Variants in TRAF3 observed in about 807,000 individuals in gnomAD.
TRAF3 encodes the protein TNF receptor-associated factor 3.
TRAF3 carries 13 observed loss-of-function variants against 62.3 expected under a neutral mutation model. The ratio of observed to expected loss-of-function variants is 0.21; its 90% CI spans 0.14 to 0.33. TRAF3 has a LOEUF of 0.33. Among genes scored for constraint, TRAF3 ranks in the 10% least tolerant of loss-of-function variants. The pLI is 1.00. For missense variants in TRAF3, 440 were observed against 741.8 expected, an observed-to-expected ratio of 0.59 and a Z score of 4.73; for synonymous variants, 269 against 283.4, an observed-to-expected ratio of 0.95 and a Z score of 0.51.
In TRAF3 at chr14:102,903,915, A is replaced by T; in HGVS notation, c.1135+486A>T. ...GAGTATTGGGAATATTTACATGAGGAGGATTAATGGCAGAAAGGAACACAG... is the reference window on the plus strand; with the variant it reads ...GAGTATTGGGAATATTTACATGAGGTGGATTAATGGCAGAAAGGAACACAG... On this transcript the variant is annotated intron_variant, in intron 11 of 11. Transcript: ENST00000392745. The surrounding 1 kb of genome is among the most constrained non-coding windows in gnomAD (Gnocchi z 6.4). 1 of 404,464 alleles carries T rather than the reference A, an allele frequency of 2.5e-6. No individual in the cohort carries two copies. The highest frequency in any genetic ancestry group is 5.0e-6 in the Non-Finnish European group (1 of 199,640). 25.1% of individuals were successfully genotyped at this position (404,464 alleles called of 1,614,324 possible). A position where few individuals can be genotyped will look rare whatever the true frequency, so the allele number is the denominator to read the frequency against.
In TRAF3 at chr14:102,911,128, A is replaced by C. The variant is rs2140034313; in HGVS notation, c.*5344A>C. On this transcript the variant is annotated 3_prime_UTR_variant, in exon 12 of 12. Transcript: ENST00000392745. ...GTCTTTTTAATCTGCCTGTTTTAAA[A>C]GTTGCGTCTGTAGTAGCCGCTTGCT... 6.6e-6 allele frequency: 1 copy of C among 152,346 alleles called. No individual in the cohort carries two copies. Among genetic ancestry groups the C allele is most frequent in the Admixed American group, 6.5e-5 (1 of 15,304 alleles). 9.4% of individuals were successfully genotyped at this position (152,346 alleles called of 1,614,324 possible).
chr14:102,904,699 A>G (rs1890489847), intron 11 of TRAF3, among the ~76,000 whole-genome samples: 2 of 149,470 alleles, frequency 1.3e-5, no homozygotes, highest in Non-Finnish European at 3.0e-5. Flanking sequence ...AGTCCCAGCT[A>G]CTCGGGAGGC....
Position 102,907,211 on chromosome 14 carries a change from G to C in TRAF3, c.*1427G>C, listed in dbSNP as rs1890626626. The C allele has an allele frequency of 6.6e-6, 1 of 152,246 alleles. No individual in the cohort carries two copies. The highest frequency in any genetic ancestry group is 2.4e-5 in the African/African-American group (1 of 41,468). 9.4% of individuals were successfully genotyped at this position (152,246 alleles called of 1,614,324 possible). A position where few individuals can be genotyped will look rare whatever the true frequency, so the allele number is the denominator to read the frequency against. Reference sequence around the variant, plus strand: ...GCCGAGCCTCTCCGTGTCCCCACCGGGGCCGTGGGCACCCCCACAGCCCGA... The same window carrying C: ...GCCGAGCCTCTCCGTGTCCCCACCGCGGCCGTGGGCACCCCCACAGCCCGA... On this transcript the variant is annotated 3_prime_UTR_variant, in exon 12 of 12. Coordinates refer to ENST00000392745, the MANE Select transcript of TRAF3 (RefSeq NM_145725.3).
intron 2 of TRAF3, among the ~76,000 whole-genome samples, chr14:102,861,054 G>A (rs942712435): frequency 1.3e-5 from 2 of 152,228 alleles, no homozygotes; most frequent in Non-Finnish European, 2.9e-5. Flanking sequence ...AGCAGGCTGG[G>A]GAATGCAAGA....
chr14:102,839,210 C>CCTTTTTTTTTTTTTTTTTT (rs1310697452), intron 2 of TRAF3, among the ~76,000 whole-genome samples: 1 of 89,836 alleles, frequency 1.1e-5, no homozygotes, highest in African/African-American at 4.4e-5. Context: ...GTTGATTTGC[C>CCTTTTTTTTTTTTTTTTTT]TTTTTTTTTT....
rs998870767 is a variant in TRAF3, at chr14:102,797,566, C to T, written c.-157+19891C>T. 2.0e-5 allele frequency among the ~76,000 whole-genome samples: 3 copies of T among 152,024 alleles called. No homozygotes were observed. In the South Asian group the frequency reaches 6.2e-4, roughly 32 times the overall value. ...GGAGTTAGAGACCAGTGGTCTAGTC[C>T]CCATCTGTCTTTGTGACCTTAGGCA... On this transcript the variant is annotated intron_variant, in intron 1 of 11. Coordinates refer to ENST00000392745, the MANE Select transcript of TRAF3 (RefSeq NM_145725.3).
At chr14:102,855,574 TC>T (rs1887314111) in intron 2 of TRAF3, among the ~76,000 whole-genome samples, 1 of 152,242 alleles carries the variant, frequency 6.6e-6, no homozygotes, top group African/African-American at 2.4e-5. Flanking sequence ...GGCAGGCAGA[TC>T]ACCTGAGCTC....
chr14:102,841,266 G>C (rs937741418), intron 2 of TRAF3, among the ~76,000 whole-genome samples: 3 of 152,224 alleles, frequency 2.0e-5, no homozygotes, highest in African/African-American at 7.2e-5. Context: ...GAGCTCTAGA[G>C]ATCTGCAGAA....
Position 102,906,801 on chromosome 14 carries a change from G to C in TRAF3, c.*1017G>C, listed in dbSNP as rs1311158364. On this transcript the variant is annotated 3_prime_UTR_variant, in exon 12 of 12. Transcript: ENST00000392745. The stretch of plus-strand genomic sequence containing the variant: ...AGGGGTGGGCGGGTGACTGCTGAGG[G>C]AGGCCCGCAGGTGTGTTTCTCCATC... The C allele has an allele frequency of 1.3e-5, 2 of 152,244 alleles. No homozygotes were observed. Among genetic ancestry groups the C allele is most frequent in the African/African-American group, 4.8e-5 (2 of 41,446 alleles). 9.4% of individuals were successfully genotyped at this position (152,244 alleles called of 1,614,324 possible). A position where few individuals can be genotyped will look rare whatever the true frequency, so the allele number is the denominator to read the frequency against.
rs1182983001 is a variant in TRAF3, at chr14:102,876,342, A to G, written c.403-16A>G. 1 of 1,613,836 alleles carries G rather than the reference A, an allele frequency of 6.2e-7. No individual in the cohort carries two copies. Among genetic ancestry groups the G allele is most frequent in the African/African-American group, 1.3e-5 (1 of 74,936 alleles). On this transcript the variant is annotated splice_polypyrimidine_tract_variant and intron_variant, in intron 5 of 11. Transcript: ENST00000392745. ...TTTTTTTCCCAATTAAGAACATTGAATGGTCTGTCTTACAGGTGCATTTAA... is the reference window on the plus strand; with the variant it reads ...TTTTTTTCCCAATTAAGAACATTGAGTGGTCTGTCTTACAGGTGCATTTAA...
chr14:102,858,548 A>G (rs1887510937), intron 2 of TRAF3, among the ~76,000 whole-genome samples: 1 of 152,152 alleles, frequency 6.6e-6, no homozygotes, highest in African/African-American at 2.4e-5. Context: ...ACTATAAACC[A>G]CCTTTTGAAG....
At chr14:102,873,439 G>A (rs928625679) in intron 4 of TRAF3, among the ~76,000 whole-genome samples, 1 of 152,190 alleles carries the variant, frequency 6.6e-6, no homozygotes, top group Non-Finnish European at 1.5e-5. Flanking sequence ...AGAAGCTCGC[G>A]ACGATGGCTG....
In TRAF3 at chr14:102,814,185, G is replaced by A. The variant is rs138133054; in HGVS notation, c.-156-16149G>A. On this transcript the variant is annotated intron_variant, in intron 1 of 11. Coordinates refer to ENST00000392745, the MANE Select transcript of TRAF3 (RefSeq NM_145725.3). The stretch of plus-strand genomic sequence containing the variant: ...TTGAAGAGACTGTCCTTTCCCCAAT[G>A]AATGTTCTTGGCGCCTTTGTCAAAA... 4.6e-3 allele frequency among the ~76,000 whole-genome samples: 703 copies of A among 152,316 alleles called. 6 individuals carry two copies. Among genetic ancestry groups the A allele is most frequent in the African/African-American group, 0.016 (649 of 41,560 alleles).
chr14:102,887,317 G>A (rs992713743), intron 7 of TRAF3, among the ~76,000 whole-genome samples: 6 of 152,210 alleles, frequency 3.9e-5, no homozygotes, highest in African/African-American at 7.2e-5. Context: ...TGGGTAACAG[G>A]GAGAACCAGC....
intron 2 of TRAF3, among the ~76,000 whole-genome samples, chr14:102,856,513 A>T (rs1175381078): frequency 1.3e-5 from 2 of 152,206 alleles, no homozygotes; most frequent in African/African-American, 4.8e-5. Context: ...GGTCACTTTC[A>T]TCGCCATCTT....
chr14:102,785,807 C>G (rs138577355), intron 1 of TRAF3, among the ~76,000 whole-genome samples: 187 of 152,214 alleles, frequency 1.2e-3, no homozygotes, highest in African/African-American at 4.3e-3. Context: ...TGTACCTGCT[C>G]CAGGAAGGGC....
At position 102,886,283 on chromosome 14, in the gene TRAF3, GGCCCGGCCGGGAGTCTGTGGAGTCCTCA is replaced by G; in HGVS notation, c.651+16_651+43del. On this transcript the variant is annotated intron_variant, in intron 7 of 11. Coordinates refer to ENST00000392745, the MANE Select transcript of TRAF3 (RefSeq NM_145725.3). Reference sequence around the variant, plus strand: ...CTGAGGAGCGAGGTAGGGGCGGCCGGGCCCGGCCGGGAGTCTGTGGAGTCCTCAGGGCTGCGTGCCTGGCTCCCCTTCC... The same window carrying G: ...CTGAGGAGCGAGGTAGGGGCGGCCGGGGGCTGCGTGCCTGGCTCCCCTTCC... The G allele has an allele frequency of 6.2e-7, 1 of 1,601,168 alleles. No individual in the cohort carries two copies. The highest frequency in any genetic ancestry group is 8.5e-7 in the Non-Finnish European group (1 of 1,176,278).
At chr14:102,798,989 A>G (rs941754448) in intron 1 of TRAF3, among the ~76,000 whole-genome samples, 1 of 152,124 alleles carries the variant, frequency 6.6e-6, no homozygotes, top group African/African-American at 2.4e-5. Flanking sequence ...CGAGGTCAGA[A>G]TAGGACTCTT....
At chr14:102,816,377 A>G (rs555690430) in intron 1 of TRAF3, among the ~76,000 whole-genome samples, 23 of 152,328 alleles carry the variant, frequency 1.5e-4, no homozygotes, top group Admixed American at 1.2e-3. Flanking sequence ...TGCTACGATT[A>G]CATGCATTAG....
Sources: allele counts gnomAD v4.1 joint callset (sites outside exome capture counted in the v4.1 genomes callset), GRCh38; gene constraint gnomAD v4.1.1; non-coding constraint Gnocchi (gnomAD v3.1); transcripts MANE v1.5; gene names NCBI Gene and HGNC (gene_info 2026-07-23, HGNC 2026-07-21).